Variants in ABI3BP observed in about 807,000 individuals in gnomAD.
ABI3BP encodes the protein target of Nesh-SH3.
In ABI3BP, 216 loss-of-function variants were observed where a neutral mutation model predicts 268.6. The ratio of observed to expected loss-of-function variants is 0.80; its 90% confidence interval spans 0.72 to 0.90. ABI3BP has a LOEUF of 0.90. ABI3BP is among the 40% of genes least tolerant of loss of function. ABI3BP has a pLI of 0.00. For missense variants in ABI3BP, 2,090 were observed against 2,182.4 expected, an observed-to-expected ratio of 0.96 and a Z score of 0.84; for synonymous variants, 730 against 730.0, an observed-to-expected ratio of 1.00 and a Z score of 0.00.
At chr3:100,934,072 T>C (rs1222608361) in intron 1 of ABI3BP, among the ~76,000 whole-genome samples, 1 of 151,980 alleles carries the variant, frequency 6.6e-6, no homozygotes, top group Non-Finnish European at 1.5e-5. Context: ...CATGGTGGTT[T>C]GCTGCACCTA....
chr3:100,824,994 G>T, intron 35 of ABI3BP, 53 bp from the exon 36 acceptor site: 1 of 1,440,010 alleles, frequency 6.9e-7, no homozygotes, highest in South Asian at 1.3e-5. Flanking sequence ...TCTGGATACT[G>T]AGGAAAGGTT....
intron 46 of ABI3BP, 112 bp from the exon 47 acceptor site, chr3:100,811,911 C>T (rs1037018100): frequency 1.3e-6 from 1 of 774,538 alleles, no homozygotes; most frequent in Non-Finnish European, 2.1e-6. Flanking sequence ...CAGATATATT[C>T]TTGAGAATAA....
At chr3:100,872,202 C>T (rs771869861) in intron 9 of ABI3BP, among the ~76,000 whole-genome samples, 11 of 152,110 alleles carry the variant, frequency 7.2e-5, no homozygotes, top group Admixed American at 1.3e-4. Flanking sequence ...AACATACTTA[C>T]TATTTTCATA....
chr3:100,888,820 CA>C (rs902988287), intron 4 of ABI3BP, among the ~76,000 whole-genome samples: 7 of 151,648 alleles, frequency 4.6e-5, no homozygotes, highest in African/African-American at 1.7e-4. Context: ...ATAGCACTAT[CA>C]TTTTTTTTCA....
chr3:100,760,051 A>G (rs935931141), intron 63 of ABI3BP, among the ~76,000 whole-genome samples: 1 of 152,218 alleles, frequency 6.6e-6, no homozygotes, highest in Non-Finnish European at 1.5e-5. Flanking sequence ...ACCAGTGCCA[A>G]CATTTTATTA....
At chr3:100,891,837 C>T (rs906327550) in intron 4 of ABI3BP, among the ~76,000 whole-genome samples, 2 of 152,164 alleles carry the variant, frequency 1.3e-5, no homozygotes, top group African/African-American at 2.4e-5. Flanking sequence ...TGGTATTCTG[C>T]AGTTTCAAAA....
In ABI3BP at chr3:100,835,592, G is replaced by T; in HGVS notation, c.2191+9C>A. ...AAAACTCATACTTAAAGACATAAGA[G>T]GTCATTACCTAATGTTGTCACTGTA... is the stretch of plus-strand genomic sequence containing the variant. On this transcript the variant is annotated intron_variant, in intron 28 of 67. Transcript: ENST00000471714. 1 of 1,530,094 alleles carries T rather than the reference G, an allele frequency of 6.5e-7. No individual in the cohort carries two copies. The highest frequency in any genetic ancestry group is 1.2e-5 in the South Asian group (1 of 83,788). 94.8% of individuals were successfully genotyped at this position (1,530,094 alleles called of 1,614,324 possible). A position where few individuals can be genotyped will look rare whatever the true frequency, so the allele number is the denominator to read the frequency against.
At chr3:100,983,614 C>A (rs1240977755) in intron 1 of ABI3BP, among the ~76,000 whole-genome samples, 1 of 152,170 alleles carries the variant, frequency 6.6e-6, no homozygotes, top group Non-Finnish European at 1.5e-5. Flanking sequence ...AACACACCAA[C>A]AGTTTCATAT....
intron 2 of ABI3BP, chr3:100,911,789 T>C: frequency 1.6e-6 from 2 of 1,234,020 alleles, no homozygotes; most frequent in Non-Finnish European, 2.4e-6. Flanking sequence ...TTGGTGTTAA[T>C]AGCAGAAAAA....
intron 13 of ABI3BP, 93 bp from the exon 14 acceptor site, chr3:100,862,478 T>A: frequency 1.3e-6 from 1 of 799,696 alleles, no homozygotes; most frequent in Non-Finnish European, 2.0e-6. Context: ...GTTAAGTGGC[T>A]ACCAGAAGCC....
chr3:100,794,856 A>T, intron 54 of ABI3BP, 67 bp downstream of exon 54: 1 of 1,148,960 alleles, frequency 8.7e-7, no homozygotes, highest in Non-Finnish European at 1.3e-6. Context: ...ATAATGTATT[A>T]TGGTTACTTT....
intron 20 of ABI3BP, chr3:100,844,161 T>C: frequency 3.0e-6 from 3 of 985,446 alleles, no homozygotes; most frequent in Non-Finnish European, 3.6e-6. Flanking sequence ...GCCACTCATC[T>C]CAGCACAAAA....
intron 20 of ABI3BP, chr3:100,843,616 T>C (rs965119434): frequency 1.0e-5 from 10 of 978,130 alleles, no homozygotes; most frequent in Non-Finnish European, 1.2e-5. Context: ...GAGAGGAGAG[T>C]ATGCATGTGA....
intron 2 of ABI3BP, among the ~76,000 whole-genome samples, chr3:100,922,085 G>A (rs2060399614): frequency 6.6e-6 from 1 of 152,244 alleles, no homozygotes; most frequent in Non-Finnish European, 1.5e-5. Context: ...AAGAGCAGGA[G>A]CTGTAAGTGA....
intron 4 of ABI3BP, among the ~76,000 whole-genome samples, chr3:100,893,031 T>C (rs2045499129): frequency 6.6e-6 from 1 of 152,178 alleles, no homozygotes; most frequent in South Asian, 2.1e-4. Context: ...CACCCTCCAT[T>C]TGGGTGGACA....
intron 1 of ABI3BP, among the ~76,000 whole-genome samples, chr3:100,939,121 C>T (rs952352390): frequency 6.6e-6 from 1 of 152,062 alleles, no homozygotes; most frequent in Non-Finnish European, 1.5e-5. Flanking sequence ...TTCTCAAAAT[C>T]CCAGATTCTC....
chr3:100,780,610 A>G (rs2096839393), intron 57 of ABI3BP, among the ~76,000 whole-genome samples: 1 of 152,140 alleles, frequency 6.6e-6, no homozygotes, highest in African/African-American at 2.4e-5. Flanking sequence ...CCCATTAAAA[A>G]AAACCCACAC....
At chr3:100,791,739 A>G (rs538069064) in intron 55 of ABI3BP, among the ~76,000 whole-genome samples, 1 of 152,050 alleles carries the variant, frequency 6.6e-6, no homozygotes, top group African/African-American at 2.4e-5. Context: ...ACAAACAATA[A>G]AAAAGATTTA....
intron 1 of ABI3BP, among the ~76,000 whole-genome samples, chr3:100,942,589 A>G (rs898820585): frequency 1.3e-5 from 2 of 152,064 alleles, no homozygotes; most frequent in African/African-American, 4.8e-5. Flanking sequence ...AAATTCATGG[A>G]GATGATTTGC....
Sources: allele counts gnomAD v4.1 joint callset (sites outside exome capture counted in the v4.1 genomes callset), GRCh38; gene constraint gnomAD v4.1.1; transcripts MANE v1.5; gene names NCBI Gene and HGNC (gene_info 2026-07-23, HGNC 2026-07-21).